DLG2: variants seen among roughly 807,000 people sequenced by gnomAD.
DLG2 encodes the protein disks large homolog 2.
DLG2 carries 45 observed loss-of-function variants against 132.5 expected under a neutral mutation model. The ratio of observed to expected loss-of-function variants is 0.34; its 90% CI spans 0.27 to 0.44. The LOEUF (loss-of-function observed/expected upper bound fraction) is 0.44, where lower values mean the gene tolerates loss of function less well. DLG2 is among the 20% of genes least tolerant of loss of function. The probability of loss-of-function intolerance (pLI) is 1.00; values close to 1 mark genes in which losing one functional copy is unlikely to be tolerated. For synonymous variants in DLG2, 424 were observed against 419.6 expected (o/e 1.01, Z -0.13); for missense variants, 1,045 against 1,196.9 (o/e 0.87, Z 1.87).
At chr11:84,136,643 T>C (rs74592382) in intron 9 of DLG2, among the ~76,000 whole-genome samples, 2,550 of 152,244 alleles carry the variant, frequency 0.017, 74 homozygotes, top group African/African-American at 0.058. Context: ...TGGCTAGAAC[T>C]GAGATTTTTA....
intron 19 of DLG2, among the ~76,000 whole-genome samples, chr11:83,582,465 G>A (rs1025033437): frequency 1.3e-5 from 2 of 152,210 alleles, no homozygotes; most frequent in Non-Finnish European, 2.9e-5. Context: ...CCCAGGCATA[G>A]TGCTTGATGC....
chr11:83,593,212 T>G lies in DLG2; in HGVS notation c.1940+39999A>C, dbSNP rs372938805. ...ATGCACACGTATGTTTATTGCGGCA[T>G]TATTCACAATAGCAAAGACTTGGAA... On this transcript the variant is annotated intron_variant, in intron 19 of 27. Coordinates refer to ENST00000376104, the MANE Select transcript of DLG2 (RefSeq NM_001142699.3). Among the ~76,000 whole-genome samples, 109 of 146,118 alleles carry G rather than the reference T, an allele frequency of 7.5e-4. No individual in the cohort carries two copies. The East Asian group carries it at 0.019, about 25-fold the overall frequency.
chr11:85,512,747 T>G (rs900309744), intron 3 of DLG2, among the ~76,000 whole-genome samples: 3 of 152,120 alleles, frequency 2.0e-5, no homozygotes, highest in African/African-American at 7.2e-5. Context: ...TTGGTGGGAA[T>G]GTAAATTAGT....
chr11:85,083,828 T>C (rs903594506), intron 6 of DLG2, among the ~76,000 whole-genome samples: 1 of 152,124 alleles, frequency 6.6e-6, no homozygotes, highest in Admixed American at 6.6e-5. Context: ...TCTGTTTTAA[T>C]GTTAATGCTG....
chr11:84,122,838 G>GAC (rs2093992613), intron 9 of DLG2, among the ~76,000 whole-genome samples: 1 of 151,690 alleles, frequency 6.6e-6, no homozygotes, highest in Non-Finnish European at 1.5e-5. Context: ...CACACACATA[G>GAC]ACACACACAC....
intron 24 of DLG2, among the ~76,000 whole-genome samples, chr11:83,470,506 A>G (rs1421671461): frequency 1.3e-5 from 2 of 152,226 alleles, no homozygotes; most frequent in African/African-American, 4.8e-5. Context: ...GAGAATATGC[A>G]AGGTGAAAGG....
intron 4 of DLG2, among the ~76,000 whole-genome samples, chr11:85,202,284 G>A (rs2081531374): frequency 6.6e-6 from 1 of 151,880 alleles, no homozygotes; most frequent in African/African-American, 2.4e-5. Flanking sequence ...AAAGGTTAAA[G>A]ACAAAGAGGA....
At chr11:83,579,474 C>T (rs1238275820) in intron 19 of DLG2, among the ~76,000 whole-genome samples, 7 of 152,028 alleles carry the variant, frequency 4.6e-5, no homozygotes, top group Admixed American at 4.6e-4. Flanking sequence ...TAGATTTTGA[C>T]CAAAAACTAA....
intron 18 of DLG2, among the ~76,000 whole-genome samples, chr11:83,707,767 CACGG>C (rs2084396416): frequency 3.3e-5 from 5 of 152,212 alleles, no homozygotes; most frequent in African/African-American, 9.6e-5. Context: ...TCAGTGCACT[CACGG>C]TTCTTGAAAG....
chr11:83,884,092 C>T (rs1313191859), intron 15 of DLG2, among the ~76,000 whole-genome samples: 1 of 152,136 alleles, frequency 6.6e-6, no homozygotes, highest in Admixed American at 6.5e-5. Flanking sequence ...ACAGTGGGTA[C>T]AGGACAGTGG....
chr11:84,923,280 T>C (rs937785148), intron 6 of DLG2: 16 of 1,469,406 alleles, frequency 1.1e-5, no homozygotes, highest in African/African-American at 4.2e-5. Context: ...CGACATGTCT[T>C]GAAGGCACTG....
At position 85,537,856 on chromosome 11, in the gene DLG2, C is replaced by T. The variant is rs1429170228; in HGVS notation, c.40+60801G>A. On this transcript the variant is annotated intron_variant, in intron 3 of 27. Transcript: ENST00000376104. ...ACGCGGCCAGGCGTGGTGGCTCAAG[C>T]CTGTAATCCCAGCACTCTGGGAGGC... 3.3e-5 allele frequency among the ~76,000 whole-genome samples: 5 copies of T among 152,074 alleles called. No individual in the cohort carries two copies. In the South Asian group the frequency reaches 8.3e-4, roughly 25 times the overall value.
At chr11:85,541,123 A>G (rs748147972) in intron 3 of DLG2, among the ~76,000 whole-genome samples, 4 of 152,186 alleles carry the variant, frequency 2.6e-5, no homozygotes, top group Non-Finnish European at 5.9e-5. Flanking sequence ...CGGTCTTACA[A>G]AAAGCATAAT....
chr11:83,488,332 A>T (rs2093645713), intron 21 of DLG2, among the ~76,000 whole-genome samples: 1 of 151,984 alleles, frequency 6.6e-6, no homozygotes, highest in Non-Finnish European at 1.5e-5. Context: ...GAACACCCAT[A>T]CTAGGAGTCA....
chr11:84,531,859 T>C (rs778162228), intron 7 of DLG2, among the ~76,000 whole-genome samples: 3 of 151,112 alleles, frequency 2.0e-5, no homozygotes, highest in Non-Finnish European at 4.4e-5. Flanking sequence ...TGAATACAGT[T>C]AATTTTAAGA....
chr11:83,738,259 C>T (rs902405179), intron 18 of DLG2, among the ~76,000 whole-genome samples: 7 of 152,168 alleles, frequency 4.6e-5, no homozygotes, highest in Admixed American at 4.6e-4. Context: ...TCAGCAACCA[C>T]TCACTGTCCA....
chr11:85,522,675 G>C (rs987089265), intron 3 of DLG2, among the ~76,000 whole-genome samples: 16 of 152,226 alleles, frequency 1.1e-4, no homozygotes, highest in African/African-American at 3.9e-4. Flanking sequence ...AAGACATGGA[G>C]TCAAAGGAGA....
At chr11:83,931,932 T>A (rs1425296220) in intron 14 of DLG2, among the ~76,000 whole-genome samples, 1 of 152,250 alleles carries the variant, frequency 6.6e-6, no homozygotes, top group African/African-American at 2.4e-5. Flanking sequence ...GTTACTGATA[T>A]CGCAGGTTCA....
intron 4 of DLG2, among the ~76,000 whole-genome samples, chr11:85,217,341 C>A (rs1308789992): frequency 6.6e-6 from 1 of 151,792 alleles, no homozygotes; most frequent in African/African-American, 2.4e-5. Context: ...CACACACACA[C>A]ACACAGAGTT....
Sources: allele counts gnomAD v4.1 joint callset (sites outside exome capture counted in the v4.1 genomes callset), GRCh38; gene constraint gnomAD v4.1.1; transcripts MANE v1.5; gene names NCBI Gene and HGNC (gene_info 2026-07-23, HGNC 2026-07-21).